The following SPAG9 variants were observed in gnomAD, a reference collection of about 807,000 sequenced individuals.
SPAG9 encodes C-Jun-amino-terminal kinase-interacting protein 4.
SPAG9 carries 35 observed loss-of-function variants against 166.5 expected under a neutral mutation model. The ratio of observed to expected loss-of-function variants is 0.21; its 90% CI spans 0.16 to 0.28. The LOEUF (loss-of-function observed/expected upper bound fraction) is 0.28, where lower values mean the gene tolerates loss of function less well. SPAG9 is among the 10% of genes least tolerant of loss of function. The pLI, the probability that SPAG9 is intolerant of heterozygous loss-of-function variation, is 1.00. For synonymous variants in SPAG9, 534 were observed against 565.5 expected, an observed-to-expected ratio of 0.94 and a Z score of 0.79; for missense variants, 1,235 against 1,603.3, an observed-to-expected ratio of 0.77 and a Z score of 3.92.
At chr17:51,033,446 T>C (rs970653077) in intron 5 of SPAG9, among the ~76,000 whole-genome samples, 1 of 151,694 alleles carries the variant, frequency 6.6e-6, no homozygotes, top group South Asian at 2.1e-4. Context: ...GGGGAAAAAA[T>C]GAAATTTAGG....
Position 50,987,123 on chromosome 17 carries a change from A to G in SPAG9, c.2928T>C (p.Ala976=), listed in dbSNP as rs1170230672. Residue 976 remains alanine (A), a synonymous_variant, in exon 22 of 30, where the codon GCT becomes GCC. Transcript: ENST00000262013. ...SSLLPTMWLG[A]QNGCLYVHSS... ...GCATTGACACCTACCAGCCATTTTG[A>G]GCTCCAAGCCACATAGTTGGTAAAA... The G allele has an allele frequency of 6.2e-7, 1 of 1,608,034 alleles. No individual in the cohort carries two copies.
intron 5 of SPAG9, among the ~76,000 whole-genome samples, chr17:51,035,277 A>G (rs1379335286): frequency 1.3e-5 from 2 of 152,258 alleles, no homozygotes; most frequent in Non-Finnish European, 2.9e-5. Context: ...AGTTAATTTC[A>G]TAGCTTTGAT....
intron 4 of SPAG9, among the ~76,000 whole-genome samples, chr17:51,042,269 C>G (rs570083384): frequency 2.6e-5 from 4 of 152,118 alleles, no homozygotes; most frequent in African/African-American, 9.7e-5. Context: ...AAACCATTGT[C>G]GGTTTTTTCC....
At chr17:51,074,565 G>C (rs2047914523) in intron 2 of SPAG9, among the ~76,000 whole-genome samples, 1 of 152,156 alleles carries the variant, frequency 6.6e-6, no homozygotes, top group African/African-American at 2.4e-5. Context: ...CAGACTCCCA[G>C]GGGAGAAATT....
rs573153615 is a variant in SPAG9, at chr17:51,021,228, C to G, written c.921G>C (p.Ala307=). Residue 307 remains alanine (A), a synonymous_variant, in exon 7 of 30, where the codon GCG becomes GCC. Coordinates refer to ENST00000262013, the MANE Select transcript of SPAG9 (RefSeq NM_001130528.3). ...GTTTGCTTATCTCTGATTTATTTGGCGCATCTGTAACCTTCACAAATCCTT... is the reference window on the plus strand; with the variant it reads ...GTTTGCTTATCTCTGATTTATTTGGGGCATCTGTAACCTTCACAAATCCTT... ...ENEGFVKVTD[A]PNKSEISKHI... 4 of 1,613,912 alleles carry G rather than the reference C, an allele frequency of 2.5e-6. No homozygotes were observed. The Admixed American group carries it at 6.7e-5, about 27-fold the overall frequency.
chr17:51,010,537 G>A (rs1310909854), intron 9 of SPAG9, among the ~76,000 whole-genome samples: 2 of 147,624 alleles, frequency 1.4e-5, no homozygotes, highest in African/African-American at 5.0e-5. Context: ...AGAATTCCTG[G>A]AGGATGTATC....
chr17:51,068,044 T>C (rs1228249675), intron 2 of SPAG9, among the ~76,000 whole-genome samples: 1 of 152,206 alleles, frequency 6.6e-6, no homozygotes, highest in African/African-American at 2.4e-5. Context: ...ACAGACCTGC[T>C]AGAATGCCAT....
chr17:51,050,320 A>G (rs1294765278), intron 3 of SPAG9, among the ~76,000 whole-genome samples: 1 of 152,226 alleles, frequency 6.6e-6, no homozygotes, highest in Non-Finnish European at 1.5e-5. Context: ...TTATTTATTG[A>G]GCACCAATTA....
intron 5 of SPAG9, among the ~76,000 whole-genome samples, chr17:51,039,071 C>T (rs1045600603): frequency 6.6e-6 from 1 of 152,162 alleles, no homozygotes; most frequent in Non-Finnish European, 1.5e-5. Context: ...GCTATTCTGC[C>T]ACAAAGTTTT....
intron 6 of SPAG9, among the ~76,000 whole-genome samples, chr17:51,023,091 T>C (rs770325867): frequency 5.4e-5 from 8 of 149,112 alleles, no homozygotes; most frequent in Non-Finnish European, 1.2e-4. Context: ...GATAACAGTA[T>C]CTACTTCTTA....
Position 50,982,610 on chromosome 17 carries a change from G to A in SPAG9, c.3151C>T (p.Arg1051Cys). ...TTGTCATGTACCACAGTCATGCAAC[G>A]GATGGAATGATGAGGCCGTCCAAGG... ...LDLGRPHHSI[R>C]CMTVVHDKVW... The change falls in exon 25 of 30, where the codon CGT (arginine) becomes TGT (cysteine). Residue 1051 changes from arginine (R) to cysteine (C), a missense_variant. Physicochemically the swap from Arg to Cys is radical, Grantham distance 180. Around this residue, in one of 6 missense-constraint regions of SPAG9, gnomAD observed 243 missense variants for 358.6 expected, o/e 0.68. Transcript: ENST00000262013. 4 of 1,613,788 alleles carry A rather than the reference G, an allele frequency of 2.5e-6. No homozygotes were observed. Among genetic ancestry groups the A allele is most frequent in the Non-Finnish European group, 3.4e-6 (4 of 1,179,854 alleles).
At chr17:50,987,365 G>C in intron 21 of SPAG9, 128 bp from the exon 22 acceptor site, 5 of 823,740 alleles carry the variant, frequency 6.1e-6, no homozygotes, top group Non-Finnish European at 8.9e-6. Flanking sequence ...TTAGAGATAG[G>C]GTATCACTCT....
At chr17:50,988,838 G>A (rs1975287298) in intron 21 of SPAG9, among the ~76,000 whole-genome samples, 1 of 152,190 alleles carries the variant, frequency 6.6e-6, no homozygotes, top group Admixed American at 6.5e-5. Context: ...ATAGGCATGA[G>A]CCACTGGAAC....
rs770063410 is a variant in SPAG9, at chr17:51,120,390, G to A, written c.267C>T (p.Tyr89=). 3.1e-6 allele frequency: 5 copies of A among 1,608,592 alleles called. No homozygotes were observed. Among genetic ancestry groups the A allele is most frequent in the South Asian group, 1.1e-5 (1 of 90,382 alleles). The change falls in exon 1 of 30, where the codon TAC becomes TAT. Residue 89 remains tyrosine, a synonymous_variant. Transcript: ENST00000262013. This position sits in a 1 kb window ranked among gnomAD's most constrained non-coding sequence, Gnocchi z 4.7. ...RDDNEQLITQ[Y]EREKALRKHA... is the part of the protein sequence containing the mutation. The stretch of plus-strand genomic sequence containing the variant: ...GCTTGCGCAGCGCCTTCTCCCGCTC[G>A]TACTGGGTGATGAGCTGCTCGTTGT...
intron 6 of SPAG9, among the ~76,000 whole-genome samples, chr17:51,026,310 G>T (rs1446779690): frequency 6.7e-6 from 1 of 148,344 alleles, no homozygotes; most frequent in Non-Finnish European, 1.5e-5. Flanking sequence ...GATATCATGG[G>T]GTGAAAAGAG....
chr17:50,999,443 T>C, intron 14 of SPAG9: 1 of 1,478,798 alleles, frequency 6.8e-7, no homozygotes, highest in South Asian at 1.3e-5. Context: ...CAGCTTACGA[T>C]ATCATATTTT....
intron 1 of SPAG9, among the ~76,000 whole-genome samples, chr17:51,093,961 C>T (rs543375259): frequency 1.6e-4 from 24 of 152,246 alleles, no homozygotes; most frequent in African/African-American, 5.8e-4. Flanking sequence ...ACACTCTAGG[C>T]ACAGCCAGGC....
At chr17:51,115,049 T>G (rs1167526068) in intron 1 of SPAG9, among the ~76,000 whole-genome samples, 1 of 152,174 alleles carries the variant, frequency 6.6e-6, no homozygotes, top group East Asian at 1.9e-4. Flanking sequence ...GGTCCCATGT[T>G]CATACACTTC....
chr17:50,976,911 C>T (rs1292144825), intron 27 of SPAG9, 197 bp downstream of exon 27: 3 of 433,778 alleles, frequency 6.9e-6, no homozygotes, highest in East Asian at 4.0e-5. Flanking sequence ...CAACGAAAAA[C>T]TTTTAATTAT....
Sources: gnomAD v4.1 joint callset for allele counts (sites outside exome capture counted in the v4.1 genomes callset) on GRCh38, gnomAD v4.1.1 for gene constraint, gnomAD v4.1.1 regional missense constraint, Gnocchi (gnomAD v3.1) non-coding constraint, MANE v1.5 for transcripts, NCBI Gene and HGNC (gene_info 2026-07-23, HGNC 2026-07-21) for gene names.